Variants in IL6ST observed in about 807,000 individuals in gnomAD.
IL6ST encodes the protein interleukin-6 receptor subunit beta.
IL6ST carries 24 observed loss-of-function variants against 91.3 expected under a neutral mutation model. The ratio of observed to expected loss-of-function variants is 0.26; its 90% confidence interval spans 0.19 to 0.37. IL6ST has a LOEUF of 0.37. IL6ST is among the 10% of genes least tolerant of loss of function. IL6ST has a pLI of 1.00. For missense variants in IL6ST, 914 were observed against 1,078.5 expected (o/e 0.85, Z 2.14); for synonymous variants, 351 against 373.6 (o/e 0.94, Z 0.70).
intron 2 of IL6ST, among the ~76,000 whole-genome samples, chr5:55,981,219 G>A (rs1236370981): frequency 6.6e-6 from 1 of 152,200 alleles, no homozygotes; most frequent in Non-Finnish European, 1.5e-5. Context: ...AGATTGTAAT[G>A]GAGAGGTGAT....
At position 55,977,351 on chromosome 5, in the gene IL6ST, C is replaced by T. The variant is rs115558970; in HGVS notation, c.-15-1058G>A. 5.2e-3 allele frequency among the ~76,000 whole-genome samples: 798 copies of T among 152,038 alleles called. 2 individuals carry two copies. The highest frequency in any genetic ancestry group is 0.015 in the South Asian group (72 of 4,810). Reference sequence around the variant, plus strand: ...CGAGCAATCCTCCTGCCTCAGCCTCCCAAAGCACTGGGATTACAGGCATGT... The same window carrying T: ...CGAGCAATCCTCCTGCCTCAGCCTCTCAAAGCACTGGGATTACAGGCATGT... On this transcript the variant is annotated intron_variant, in intron 2 of 16. Transcript: ENST00000381298.
intron 15 of IL6ST, among the ~76,000 whole-genome samples, chr5:55,945,684 T>A (rs1463179990): frequency 1.0e-5 from 1 of 99,158 alleles, no homozygotes; most frequent in African/African-American, 3.8e-5. Context: ...TTTCAGACAC[T>A]CTGTCACCCA....
At chr5:55,991,107 T>C (rs549232810) in intron 1 of IL6ST, among the ~76,000 whole-genome samples, 51 of 152,340 alleles carry the variant, frequency 3.3e-4, no homozygotes, top group African/African-American at 1.2e-3. Flanking sequence ...CCATGGTGTA[T>C]ATGTGCCACA....
intron 2 of IL6ST, among the ~76,000 whole-genome samples, chr5:55,981,831 G>C (rs1354474617): frequency 3.9e-5 from 6 of 152,066 alleles, no homozygotes; most frequent in African/African-American, 1.2e-4. Context: ...GAAATTTGCA[G>C]GTAACTTGAG....
chr5:55,994,414 A>G (rs1317138449), intron 1 of IL6ST, among the ~76,000 whole-genome samples: 1 of 152,208 alleles, frequency 6.6e-6, no homozygotes, highest in Non-Finnish European at 1.5e-5. Context: ...GAATGAAGAC[A>G]AGTGCGGAGC....
intron 1 of IL6ST, among the ~76,000 whole-genome samples, chr5:55,984,391 T>C (rs1753834769): frequency 6.6e-6 from 1 of 152,220 alleles, no homozygotes; most frequent in Admixed American, 6.5e-5. Context: ...GCAGATTTAA[T>C]TGGATGTTAT....
At chr5:55,955,252 G>A (rs1261252812) in intron 10 of IL6ST, among the ~76,000 whole-genome samples, 2 of 152,162 alleles carry the variant, frequency 1.3e-5, no homozygotes, top group African/African-American at 4.8e-5. Flanking sequence ...GACATCAGGA[G>A]TTCGAAACCA....
Position 55,937,380 on chromosome 5 carries a change from G to C in IL6ST, c.*3702C>G, listed in dbSNP as rs1176874995. On this transcript the variant is annotated 3_prime_UTR_variant, in exon 17 of 17. Coordinates refer to ENST00000381298, the MANE Select transcript of IL6ST (RefSeq NM_002184.4). ...AATGCAATGTATATGAGAATATCAT[G>C]CTAATGCACATACTAGTAGCATGTA... is the stretch of plus-strand genomic sequence containing the variant. 1 of 212,542 alleles carries C rather than the reference G, an allele frequency of 4.7e-6. No homozygotes were observed. Among genetic ancestry groups the C allele is most frequent in the Non-Finnish European group, 9.5e-6 (1 of 105,020 alleles). The allele number at this position is 212,542 out of a possible 1,614,324, so 13.2% of individuals were successfully genotyped here.
Position 55,951,655 on chromosome 5 carries a change from ATTTG to A in IL6ST, c.1700-55_1700-52del, listed in dbSNP as rs896715167. ...ATTCAACTATTCAATGCTTTTGCTTATTTGGCCTATATTTGGCATTGTGAAAGTG... is the reference window on the plus strand; with the variant it reads ...ATTCAACTATTCAATGCTTTTGCTTAGCCTATATTTGGCATTGTGAAAGTG... On this transcript the variant is annotated intron_variant, in intron 13 of 16. Coordinates refer to ENST00000381298, the MANE Select transcript of IL6ST (RefSeq NM_002184.4). 1.0e-5 allele frequency: 16 copies of A among 1,553,750 alleles called. 1 individual carries two copies. Among genetic ancestry groups the A allele is most frequent in the Non-Finnish European group, 1.4e-5 (16 of 1,145,750 alleles).
chr5:55,992,805 C>T (rs1297409553), intron 1 of IL6ST, among the ~76,000 whole-genome samples: 2 of 152,156 alleles, frequency 1.3e-5, no homozygotes, highest in Admixed American at 6.5e-5. Context: ...AATCCTTAAA[C>T]GATCATTCCC....
At position 55,968,351 on chromosome 5, in the gene IL6ST, C is replaced by T. The variant is rs1036830307; in HGVS notation, c.416G>A (p.Gly139Glu). 1 of 1,610,378 alleles carries T rather than the reference C, an allele frequency of 6.2e-7. No individual in the cohort carries two copies. Among genetic ancestry groups the T allele is most frequent in the African/African-American group, 1.3e-5 (1 of 74,756 alleles). Residue 139 changes from glycine (G) to glutamate (E), a missense_variant, in exon 5 of 17, where the codon GGG becomes GAG. Transcript: ENST00000381298. ...PKNLSCIVNEGKKMRCEWDGG... is the reference protein window; with the variant it reads ...PKNLSCIVNEEKKMRCEWDGG... ...ATCCCACTCACACCTCATTTTCTTC[C>T]CCTCGTTCACAATGCAACTCAAATT...
At chr5:55,976,374 G>T in intron 2 of IL6ST, 81 bp from the exon 3 acceptor site, 2 of 654,730 alleles carry the variant, frequency 3.1e-6, no homozygotes, top group Non-Finnish European at 4.9e-6. Context: ...TTGTTTCCAT[G>T]CTGTAGCTGT....
rs1168483866 is a variant in IL6ST, at chr5:55,936,989, TAC to T, written c.*4091_*4092del. The T allele has an allele frequency of 1.5e-5, 3 of 200,244 alleles. No individual in the cohort carries two copies. In the East Asian group the frequency reaches 2.3e-4, roughly 16 times the overall value. The allele number at this position is 200,244 out of a possible 1,614,324, so 12.4% of individuals were successfully genotyped here. On this transcript the variant is annotated 3_prime_UTR_variant, in exon 17 of 17. Transcript: ENST00000381298. ...ACATTTATTTTTAGAGTATATTCAA[TAC>T]ACATACATATTGAGACTAGAGAATT...
At chr5:55,952,171 T>C (rs1751675913) in intron 12 of IL6ST, 79 bp downstream of exon 12, 1 of 1,482,626 alleles carries the variant, frequency 6.7e-7, no homozygotes, top group Non-Finnish European at 9.3e-7. Context: ...GAGATACATC[T>C]TTATTTAAAA....
intron 14 of IL6ST, among the ~76,000 whole-genome samples, chr5:55,949,259 G>T (rs577319567): frequency 6.6e-6 from 1 of 152,024 alleles, no homozygotes; most frequent in African/African-American, 2.4e-5. Flanking sequence ...GAGGACTGAG[G>T]CCAGGAGTTC....
At chr5:55,969,403 T>C in intron 4 of IL6ST, 147 bp downstream of exon 4, 1 of 571,240 alleles carries the variant, frequency 1.8e-6, no homozygotes, top group Non-Finnish European at 3.0e-6. Context: ...TTGTGGTTCC[T>C]ACTTCTAAGC....
At chr5:55,978,683 C>T (rs1753467065) in intron 2 of IL6ST, among the ~76,000 whole-genome samples, 1 of 152,238 alleles carries the variant, frequency 6.6e-6, no homozygotes, top group African/African-American at 2.4e-5. Context: ...CGAGGTCACA[C>T]CACTGCACTC....
chr5:55,980,613 G>A (rs927721697), intron 2 of IL6ST, among the ~76,000 whole-genome samples: 1 of 152,022 alleles, frequency 6.6e-6, no homozygotes, highest in African/African-American at 2.4e-5. Context: ...CTCACCAACT[G>A]GGTGACAGTT....
chr5:55,963,064 G>A (rs975916341), intron 7 of IL6ST, among the ~76,000 whole-genome samples: 2 of 151,594 alleles, frequency 1.3e-5, no homozygotes, highest in Admixed American at 1.3e-4. Flanking sequence ...CCAGCGGCCT[G>A]GGCAAATGGA....
Sources: allele counts gnomAD v4.1 joint callset (sites outside exome capture counted in the v4.1 genomes callset), GRCh38; gene constraint gnomAD v4.1.1; transcripts MANE v1.5; gene names NCBI Gene and HGNC (gene_info 2026-07-23, HGNC 2026-07-21).